The following LRRC9 variants were observed in gnomAD, a reference collection of about 807,000 sequenced individuals.
The protein encoded by LRRC9 is leucine rich repeat containing 9, also known as leucine-rich repeat-containing protein 9.
A neutral mutation model predicts 63.2 loss-of-function variants in LRRC9; 122 were observed. That is an observed-to-expected ratio of 1.93 (90% CI 1.67 to 2.24). LRRC9 has a LOEUF of 2.24. Ranked by LOEUF, LRRC9 falls within the 30% of genes most tolerant of loss-of-function variation. LRRC9 has a pLI of 0.00. For synonymous variants in LRRC9, 366 were observed against 213.1 expected (o/e 1.72, Z -6.25); for missense variants, 1,071 against 627.7 (o/e 1.71, Z -7.55).
chr14:60,063,660 A>G (rs1894796365), downstream of LRRC9: 1 of 322,894 alleles, frequency 3.1e-6, no homozygotes, highest in Non-Finnish European at 5.7e-6. Flanking sequence ...GACATGAAAC[A>G]AAGTCCAGAG....
chr14:59,944,175 T>C (rs1274471331), intron 7 of LRRC9, among the ~76,000 whole-genome samples: 1 of 151,936 alleles, frequency 6.6e-6, no homozygotes, highest in East Asian at 1.9e-4. Flanking sequence ...AAAAAACGAA[T>C]TGAGTAATGT....
chr14:59,978,079 G>C (rs907997074), exon 15 of LRRC9: 4 of 702,160 alleles, frequency 5.7e-6, no homozygotes, highest in Non-Finnish European at 2.6e-6. Context: ...GTTTGTCTTT[G>C]ATCATGACCT....
chr14:59,955,068 C>T (rs936137726), intron 8 of LRRC9, among the ~76,000 whole-genome samples: 5 of 152,182 alleles, frequency 3.3e-5, no homozygotes, highest in South Asian at 2.1e-4. Flanking sequence ...AGGATTTTTG[C>T]ATCAATGTTC....
chr14:60,058,239 A>C lies in LRRC9; in HGVS notation c.4276+217A>C, dbSNP rs1160518523. On this transcript the variant is annotated intron_variant, in intron 31 of 31. Coordinates refer to ENST00000445360, the Ensembl canonical transcript of LRRC9. The surrounding 1 kb of genome is among the most constrained non-coding windows in gnomAD (Gnocchi z 4.4). Reference sequence around the variant, plus strand: ...GCTTTTTTTGTACTCAGCTACTAGCATGTTGTGACTAAACATTTGCTCACT... The same window carrying C: ...GCTTTTTTTGTACTCAGCTACTAGCCTGTTGTGACTAAACATTTGCTCACT... 6.6e-6 allele frequency among the ~76,000 whole-genome samples: 1 copy of C among 152,114 alleles called. No homozygotes were observed. The highest frequency in any genetic ancestry group is 6.5e-5 in the Admixed American group (1 of 15,272).
At chr14:59,970,358 G>C (rs1240954352) in intron 12 of LRRC9, among the ~76,000 whole-genome samples, 1 of 152,098 alleles carries the variant, frequency 6.6e-6, no homozygotes, top group Non-Finnish European at 1.5e-5. Context: ...TTGATTCTAT[G>C]TCTTTGCTGT....
At chr14:60,040,511 A>G (rs569955908) in intron 29 of LRRC9, among the ~76,000 whole-genome samples, 16 of 151,810 alleles carry the variant, frequency 1.1e-4, no homozygotes, top group Non-Finnish European at 2.2e-4. Flanking sequence ...TTACCATTAT[A>G]TAATGGCCTT....
chr14:60,055,408 T>A (rs936268619), intron 30 of LRRC9, among the ~76,000 whole-genome samples: 3 of 151,908 alleles, frequency 2.0e-5, no homozygotes, highest in Non-Finnish European at 4.4e-5. Context: ...TGACTTAAGA[T>A]GATTTCTTTC....
chr14:59,991,478 T>A (rs764449518), intron 17 of LRRC9, among the ~76,000 whole-genome samples: 2 of 152,004 alleles, frequency 1.3e-5, no homozygotes, highest in Non-Finnish European at 2.9e-5. Flanking sequence ...TGCAGAACAG[T>A]GGGTGCAGCA....
exon 29 of LRRC9, chr14:60,032,033 T>G (rs1468591812): frequency 1.4e-6 from 1 of 700,898 alleles, no homozygotes; most frequent in Non-Finnish European, 2.6e-6. Flanking sequence ...TTATCTCTAC[T>G]CTCAGGGAGC....
At chr14:59,953,741 T>C (rs2139925254) in intron 8 of LRRC9, among the ~76,000 whole-genome samples, 1 of 152,336 alleles carries the variant, frequency 6.6e-6, no homozygotes, top group African/African-American at 2.4e-5. Context: ...TGCCCATGCT[T>C]ATGTCCTGCA....
At chr14:59,992,410 C>G (rs1041116004) in intron 17 of LRRC9, among the ~76,000 whole-genome samples, 1 of 152,212 alleles carries the variant, frequency 6.6e-6, no homozygotes, top group Non-Finnish European at 1.5e-5. Flanking sequence ...AGCGCCTCTT[C>G]TCGTCCAAAG....
rs1027969672 is a variant in LRRC9, at chr14:60,004,878, GTA to G, written c.2842+1083_2842+1084del. ...TGAAAAGAGAAATATGTATATGTGTGTATACACACACACACACACACACACAC... is the reference window on the plus strand; with the variant it reads ...TGAAAAGAGAAATATGTATATGTGTGTACACACACACACACACACACACAC... On this transcript the variant is annotated intron_variant, in intron 21 of 31. Coordinates refer to ENST00000445360, the Ensembl canonical transcript of LRRC9. This position sits in a 1 kb window ranked among gnomAD's most constrained non-coding sequence, Gnocchi z 4.8. Among the ~76,000 whole-genome samples, 6 of 56,064 alleles carry G rather than the reference GTA, an allele frequency of 1.1e-4. No homozygotes were observed. The East Asian group carries it at 2.2e-3, about 21-fold the overall frequency. The allele number at this position is 56,064 out of a possible 152,430, so 36.8% of individuals were successfully genotyped here.
At chr14:59,978,896 T>C (rs1016118612) in intron 15 of LRRC9, among the ~76,000 whole-genome samples, 2 of 152,208 alleles carry the variant, frequency 1.3e-5, no homozygotes, top group African/African-American at 4.8e-5. Context: ...TCCAAGTGTG[T>C]GTGACAGTGC....
At chr14:60,061,219 C>T (rs1237005910) in intron 31 of LRRC9, among the ~76,000 whole-genome samples, 1 of 152,162 alleles carries the variant, frequency 6.6e-6, no homozygotes, top group Non-Finnish European at 1.5e-5. Flanking sequence ...AAAGTGCTAT[C>T]AAACATCATG....
rs146645558 is a variant in LRRC9, at chr14:60,009,459, G to A, written c.3186+1245G>A. 3.2e-3 allele frequency among the ~76,000 whole-genome samples: 481 copies of A among 152,260 alleles called. 3 individuals are homozygous for A. Among genetic ancestry groups the A allele is most frequent in the African/African-American group, 9.5e-3 (394 of 41,542 alleles). On this transcript the variant is annotated intron_variant, in intron 23 of 31. Coordinates refer to ENST00000445360, the Ensembl canonical transcript of LRRC9. ...ACTTATTCACTATCGCGAGAACAGC[G>A]TAAGAAAAACCCATCCCCATGATTC...
chr14:60,028,224 T>C lies in LRRC9; in HGVS notation c.3921+123T>C, dbSNP rs1288904640. On this transcript the variant is annotated intron_variant, in intron 28 of 31. Transcript: ENST00000445360. ...TATATTATTTATCACCTATATACCA[T>C]CTATATTTCAAGTCATAGAAATAGT... 1.6e-5 allele frequency: 9 copies of C among 574,046 alleles called. No homozygotes were observed. The East Asian group carries it at 2.5e-4, about 16-fold the overall frequency. 35.6% of individuals were successfully genotyped at this position (574,046 alleles called of 1,614,324 possible).
chr14:60,016,605 A>G (rs1220844936), intron 23 of LRRC9, 55 bp from the exon 24 acceptor site: 2 of 644,262 alleles, frequency 3.1e-6, no homozygotes, highest in Non-Finnish European at 5.7e-6. Context: ...CCAGAGAACT[A>G]TGTAATTTAG....
chr14:60,015,432 A>C (rs1290144828), intron 23 of LRRC9, among the ~76,000 whole-genome samples: 2 of 152,164 alleles, frequency 1.3e-5, no homozygotes, highest in East Asian at 3.9e-4. Context: ...GCACTATACC[A>C]GTGAGAAGAC....
chr14:59,954,411 T>A (rs970325885), intron 8 of LRRC9, among the ~76,000 whole-genome samples: 1 of 152,202 alleles, frequency 6.6e-6, no homozygotes, highest in Non-Finnish European at 1.5e-5. Flanking sequence ...TATTTTATTC[T>A]CTTTCTAGCA....
Sources: allele counts gnomAD v4.1 joint callset (sites outside exome capture counted in the v4.1 genomes callset), GRCh38; gene constraint gnomAD v4.1.1; non-coding constraint Gnocchi (gnomAD v3.1); transcripts MANE v1.5; gene names NCBI Gene and HGNC (gene_info 2026-07-23, HGNC 2026-07-21).